TMPRSS7: variants seen among roughly 807,000 people sequenced by gnomAD.
The protein encoded by TMPRSS7 is transmembrane serine protease 7.
In TMPRSS7, 81 loss-of-function variants were observed where a neutral mutation model predicts 95.6. That is an observed-to-expected ratio of 0.85 (90% CI 0.71 to 1.02). The LOEUF (loss-of-function observed/expected upper bound fraction) is 1.02. TMPRSS7 is among the 50% of genes least tolerant of loss of function. The pLI is 0.00. For missense variants in TMPRSS7, 945 were observed against 955.2 expected, an observed-to-expected ratio of 0.99 and a Z score of 0.14; for synonymous variants, 364 against 337.8, an observed-to-expected ratio of 1.08 and a Z score of -0.85.
chr3:112,052,312 C>A (rs1340194598), intron 9 of TMPRSS7, among the ~76,000 whole-genome samples: 2 of 151,496 alleles, frequency 1.3e-5, no homozygotes, highest in Admixed American at 6.6e-5. Flanking sequence ...ATGTTGCAAG[C>A]AAAGAGAACA....
chr3:112,048,818 T>C (rs1306961873), intron 7 of TMPRSS7, among the ~76,000 whole-genome samples: 1 of 152,212 alleles, frequency 6.6e-6, no homozygotes, highest in Non-Finnish European at 1.5e-5. Flanking sequence ...CTTTCAGACA[T>C]ATTTACTTAT....
At chr3:112,041,847 A>G in intron 2 of TMPRSS7, 73 bp from the exon 3 acceptor site, 1 of 994,896 alleles carries the variant, frequency 1.0e-6, no homozygotes, top group Admixed American at 2.0e-5. Flanking sequence ...CCTCATACTG[A>G]CATAGCTCAG....
At chr3:112,037,534 C>T (rs1415749767) in intron 1 of TMPRSS7, among the ~76,000 whole-genome samples, 1 of 152,162 alleles carries the variant, frequency 6.6e-6, no homozygotes, top group Admixed American at 6.5e-5. Context: ...TCACCCTGAC[C>T]TTGTGATCTT....
At chr3:112,078,717 T>C (rs201984416) in intron 16 of TMPRSS7, 25 bp from the exon 17 acceptor site, 2 of 1,613,734 alleles carry the variant, frequency 1.2e-6, no homozygotes, top group Non-Finnish European at 8.5e-7. Context: ...ACTAACATCA[T>C]TTCTACTTCC....
Position 112,050,787 on chromosome 3 carries a change from G to C in TMPRSS7, c.1203+4G>C. The C allele has an allele frequency of 2.0e-6, 3 of 1,534,912 alleles. No individual in the cohort carries two copies. The highest frequency in any genetic ancestry group is 1.8e-6 in the Non-Finnish European group (2 of 1,119,636). On this transcript the variant is annotated splice_donor_region_variant and intron_variant, in intron 9 of 17. Coordinates refer to ENST00000452346, the Ensembl canonical transcript of TMPRSS7. Reference sequence around the variant, plus strand: ...CAAGTGTACCTGGAAATTTCAGGTAGCCTAGTTCTACCAGTGTCTTAGAAA... The same window carrying C: ...CAAGTGTACCTGGAAATTTCAGGTACCCTAGTTCTACCAGTGTCTTAGAAA...
chr3:112,035,416 CT>C (rs1407103800), intron 1 of TMPRSS7, among the ~76,000 whole-genome samples: 1 of 152,202 alleles, frequency 6.6e-6, no homozygotes, highest in Non-Finnish European at 1.5e-5. Context: ...CAACACTTCA[CT>C]CCAGGGGTTG....
chr3:112,044,738 T>C lies in TMPRSS7; in HGVS notation c.497+416T>C, dbSNP rs192769196. ...TTTTTAGAAAAAATCGTGCACCATA[T>C]ATTATATCCCACCCCCACCCACTCC... On this transcript the variant is annotated intron_variant, in intron 4 of 17. Coordinates refer to ENST00000452346, the Ensembl canonical transcript of TMPRSS7. 6.6e-5 allele frequency among the ~76,000 whole-genome samples: 10 copies of C among 152,244 alleles called. 1 individual carries two copies. Among genetic ancestry groups the C allele is most frequent in the Admixed American group, 6.5e-4 (10 of 15,288 alleles).
intron 2 of TMPRSS7, among the ~76,000 whole-genome samples, chr3:112,041,104 A>C (rs897047755): frequency 1.4e-4 from 21 of 151,634 alleles, no homozygotes; most frequent in Non-Finnish European, 2.8e-4. Flanking sequence ...TCTAGGACGC[A>C]CTTCCCTGAT....
At chr3:112,040,527 T>C (rs1396806630) in intron 2 of TMPRSS7, among the ~76,000 whole-genome samples, 1 of 152,152 alleles carries the variant, frequency 6.6e-6, no homozygotes, top group Non-Finnish European at 1.5e-5. Context: ...AAGATCTCTG[T>C]CCTTGAGGAA....
chr3:112,057,878 A>G (rs887653239), intron 10 of TMPRSS7, among the ~76,000 whole-genome samples: 2 of 152,016 alleles, frequency 1.3e-5, no homozygotes, highest in Non-Finnish European at 2.9e-5. Flanking sequence ...GGCACGCACC[A>G]CCATACCTGG....
intron 1 of TMPRSS7, among the ~76,000 whole-genome samples, chr3:112,036,738 C>T (rs2073152517): frequency 6.6e-6 from 1 of 152,126 alleles, no homozygotes; most frequent in Non-Finnish European, 1.5e-5. Flanking sequence ...AGGAAAGAAC[C>T]TAGAAACTGT....
exon 3 of TMPRSS7, chr3:112,041,957 G>A (rs1191145830): frequency 6.4e-7 from 1 of 1,551,532 alleles, no homozygotes; most frequent in East Asian, 2.4e-5. Flanking sequence ...ACTTTGCTGG[G>A]ATGTTTCGCA....
chr3:112,053,206 T>C (rs1209305279), intron 9 of TMPRSS7, among the ~76,000 whole-genome samples: 2 of 152,056 alleles, frequency 1.3e-5, no homozygotes, highest in Non-Finnish European at 2.9e-5. Flanking sequence ...CTCGATGACT[T>C]AAGTAACAAA....
intron 16 of TMPRSS7, among the ~76,000 whole-genome samples, 187 bp from the exon 17 acceptor site, chr3:112,078,555 C>T (rs1173019626): frequency 6.6e-6 from 1 of 152,192 alleles, no homozygotes. Flanking sequence ...TGTCACTGGG[C>T]AAGCCCTTTA....
intron 13 of TMPRSS7, 136 bp from the exon 14 acceptor site, chr3:112,074,160 A>G: frequency 1.6e-6 from 1 of 616,472 alleles, no homozygotes; most frequent in East Asian, 2.8e-5. Flanking sequence ...TCTCTCTGCC[A>G]TTTATCCCAG....
At chr3:112,047,375 C>A (rs1180295183) in intron 6 of TMPRSS7, 7 of 563,422 alleles carry the variant, frequency 1.2e-5, no homozygotes, top group South Asian at 1.1e-4. Flanking sequence ...ATGATGAAAA[C>A]CACCTCCACG....
intron 7 of TMPRSS7, among the ~76,000 whole-genome samples, chr3:112,049,199 G>C (rs568936269): frequency 2.6e-5 from 4 of 152,210 alleles, no homozygotes; most frequent in African/African-American, 9.6e-5. Context: ...CGAGATAAGG[G>C]GTAGCTGATA....
At chr3:112,062,448 A>G (rs1220369728) in intron 11 of TMPRSS7, among the ~76,000 whole-genome samples, 1 of 152,098 alleles carries the variant, frequency 6.6e-6, no homozygotes, top group African/African-American at 2.4e-5. Flanking sequence ...AGAAAAGGCA[A>G]TGTGTGAGGG....
intron 3 of TMPRSS7, 147 bp downstream of exon 3, chr3:112,042,197 A>G: frequency 7.0e-6 from 4 of 571,084 alleles, no homozygotes; most frequent in Non-Finnish European, 9.1e-6. Flanking sequence ...TCAGAAGAAA[A>G]CATGAAATCT....
Sources: gnomAD v4.1 joint callset for allele counts (sites outside exome capture counted in the v4.1 genomes callset) on GRCh38, gnomAD v4.1.1 for gene constraint, MANE v1.5 for transcripts, NCBI Gene and HGNC (gene_info 2026-07-23, HGNC 2026-07-21) for gene names.